The following DLG2 variants were observed in gnomAD, a reference collection of about 807,000 sequenced individuals.
DLG2 encodes discs large MAGUK scaffold protein 2.
DLG2 carries 45 observed loss-of-function variants against 132.5 expected under a neutral mutation model. The observed-to-expected ratio is 0.34, with a 90% CI of 0.27 to 0.44. The LOEUF is 0.44. Among genes scored for constraint, DLG2 ranks in the 20% least tolerant of loss-of-function variants. The pLI is 1.00. For synonymous variants in DLG2, 424 were observed against 419.6 expected (o/e 1.01, Z -0.13); for missense variants, 1,045 against 1,196.9 (o/e 0.87, Z 1.87).
At chr11:85,130,247 T>C (rs892322906) in intron 5 of DLG2, among the ~76,000 whole-genome samples, 2 of 152,208 alleles carry the variant, frequency 1.3e-5, no homozygotes, top group South Asian at 2.1e-4. Context: ...GATCCTTTTA[T>C]ATTACCATTA....
Position 84,678,173 on chromosome 11 carries a change from A to AAT in DLG2, c.358-143443_358-143442insAT, listed in dbSNP as rs2099719214. On this transcript the variant is annotated intron_variant, in intron 6 of 27. Coordinates refer to ENST00000376104, the MANE Select transcript of DLG2 (RefSeq NM_001142699.3). ...ATGGTGAGAGCTAACCTAGGCCTCC[A>AAT]TAGCTGCTTTTCTCTTCCTTTCTCT... 1.3e-5 allele frequency among the ~76,000 whole-genome samples: 2 copies of AAT among 152,204 alleles called. 1 individual carries two copies. Among genetic ancestry groups the AAT allele is most frequent in the East Asian group, 3.9e-4 (2 of 5,162 alleles).
chr11:85,246,326 T>C (rs1475319407), intron 4 of DLG2, among the ~76,000 whole-genome samples: 1 of 151,990 alleles, frequency 6.6e-6, no homozygotes, highest in Non-Finnish European at 1.5e-5. Context: ...TGCATCAGAC[T>C]AGCTGACTAG....
intron 11 of DLG2, among the ~76,000 whole-genome samples, chr11:84,034,845 G>A (rs1024089526): frequency 2.0e-5 from 3 of 152,072 alleles, no homozygotes; most frequent in African/African-American, 4.8e-5. Flanking sequence ...GAAGCCACCT[G>A]GTATCTTTTT....
chr11:83,706,214 T>A (rs1385808303), intron 18 of DLG2, among the ~76,000 whole-genome samples: 4 of 133,798 alleles, frequency 3.0e-5, no homozygotes, highest in Non-Finnish European at 6.5e-5. Flanking sequence ...CAAGACTCCA[T>A]CTAAAAAAAA....
At chr11:85,188,152 T>A (rs1310779043) in intron 4 of DLG2, among the ~76,000 whole-genome samples, 2 of 152,100 alleles carry the variant, frequency 1.3e-5, no homozygotes, top group Non-Finnish European at 2.9e-5. Context: ...GAACTATGAA[T>A]GGAATCCCCA....
intron 7 of DLG2, among the ~76,000 whole-genome samples, chr11:84,279,239 A>G (rs971819769): frequency 1.3e-5 from 2 of 152,258 alleles, no homozygotes; most frequent in African/African-American, 4.8e-5. Context: ...TGGTCATTAG[A>G]GAAATGCAAA....
At chr11:84,776,235 G>C (rs1207722498) in intron 6 of DLG2, among the ~76,000 whole-genome samples, 1 of 152,064 alleles carries the variant, frequency 6.6e-6, no homozygotes, top group African/African-American at 2.4e-5. Context: ...GCTCACTGCA[G>C]TCTTGATCTT....
chr11:83,598,532 T>C (rs1272396768), intron 19 of DLG2, among the ~76,000 whole-genome samples: 11 of 152,204 alleles, frequency 7.2e-5, no homozygotes, highest in Non-Finnish European at 4.4e-5. Flanking sequence ...ATTTCCTCTG[T>C]CCCAGCTTTA....
chr11:85,169,139 G>A (rs1326392812), intron 4 of DLG2, among the ~76,000 whole-genome samples: 3 of 152,030 alleles, frequency 2.0e-5, no homozygotes, highest in African/African-American at 7.2e-5. Flanking sequence ...CAAATACAAT[G>A]GGAACGCTAT....
intron 17 of DLG2, among the ~76,000 whole-genome samples, chr11:83,799,294 T>C (rs139625295): frequency 9.1e-4 from 139 of 152,290 alleles, no homozygotes; most frequent in African/African-American, 2.9e-3. Context: ...GTTTTGTCAA[T>C]AAGTGGCTAT....
chr11:84,865,910 C>G (rs2084480933), intron 6 of DLG2, among the ~76,000 whole-genome samples: 1 of 152,210 alleles, frequency 6.6e-6, no homozygotes. Context: ...TTCAGCCTCA[C>G]AAGGTATCCT....
At chr11:83,793,803 T>C (rs1295882760) in intron 17 of DLG2, among the ~76,000 whole-genome samples, 1 of 152,250 alleles carries the variant, frequency 6.6e-6, no homozygotes, top group Non-Finnish European at 1.5e-5. Flanking sequence ...TTAGCATTTC[T>C]TCAAAGAGCT....
intron 18 of DLG2, among the ~76,000 whole-genome samples, chr11:83,697,196 C>T (rs1040918993): frequency 6.6e-5 from 10 of 152,204 alleles, no homozygotes; most frequent in African/African-American, 2.2e-4. Context: ...GTGCCTTGAA[C>T]AGTGCTTAGC....
chr11:85,423,842 C>T (rs2090506352), intron 3 of DLG2, among the ~76,000 whole-genome samples: 3 of 152,148 alleles, frequency 2.0e-5, no homozygotes, highest in Admixed American at 2.0e-4. Context: ...GAACTTGCCC[C>T]ACTACCTGCA....
intron 19 of DLG2, among the ~76,000 whole-genome samples, chr11:83,574,611 A>G (rs932924366): frequency 6.6e-6 from 1 of 152,218 alleles, no homozygotes; most frequent in Non-Finnish European, 1.5e-5. Context: ...AAAGTATTAT[A>G]GGTTCACTGT....
At chr11:85,064,317 A>G (rs1447872188) in intron 6 of DLG2, among the ~76,000 whole-genome samples, 1 of 151,842 alleles carries the variant, frequency 6.6e-6, no homozygotes, top group Non-Finnish European at 1.5e-5. Context: ...CTTATGAATG[A>G]ATACACTGAA....
chr11:84,501,407 A>T (rs904338895), intron 7 of DLG2, among the ~76,000 whole-genome samples: 1 of 152,180 alleles, frequency 6.6e-6, no homozygotes, highest in Non-Finnish European at 1.5e-5. Flanking sequence ...TTGACTAAAA[A>T]TACAAATATT....
At chr11:84,349,805 G>C (rs1203139428) in intron 7 of DLG2, among the ~76,000 whole-genome samples, 1 of 151,716 alleles carries the variant, frequency 6.6e-6, no homozygotes, top group Non-Finnish European at 1.5e-5. Flanking sequence ...TTTAAGACCA[G>C]CCTGGGCAAC....
chr11:84,431,146 A>G (rs1467976804), intron 7 of DLG2, among the ~76,000 whole-genome samples: 1 of 152,222 alleles, frequency 6.6e-6, no homozygotes, highest in Non-Finnish European at 1.5e-5. Context: ...TAAACTTAGT[A>G]TCTAACTCAT....
Sources: allele counts gnomAD v4.1 joint callset (sites outside exome capture counted in the v4.1 genomes callset), GRCh38; gene constraint gnomAD v4.1.1; transcripts MANE v1.5; gene names NCBI Gene and HGNC (gene_info 2026-07-23, HGNC 2026-07-21).